Variants in ARMC9 observed in about 807,000 individuals in gnomAD.
ARMC9 encodes the protein lisH domain-containing protein ARMC9.
ARMC9 carries 94 observed loss-of-function variants against 107.0 expected under a neutral mutation model. The ratio of observed to expected loss-of-function variants is 0.88; its 90% confidence interval spans 0.74 to 1.04. ARMC9 has a LOEUF of 1.04. Ranked by LOEUF, ARMC9 falls within the 50% of genes least tolerant of loss-of-function variation. The pLI, the probability that ARMC9 is intolerant of heterozygous loss-of-function variation, is 0.00. For missense variants in ARMC9, 942 were observed against 1,030.1 expected, an observed-to-expected ratio of 0.91 and a Z score of 1.17; for synonymous variants, 380 against 396.9, an observed-to-expected ratio of 0.96 and a Z score of 0.51.
At chr2:231,212,816 C>T (rs1010342952) in intron 3 of ARMC9, among the ~76,000 whole-genome samples, 2 of 152,218 alleles carry the variant, frequency 1.3e-5, no homozygotes, top group South Asian at 4.1e-4. Flanking sequence ...CACTGTCCCT[C>T]GCCTGTGTCC....
chr2:231,204,755 G>A (rs533200781), intron 1 of ARMC9, among the ~76,000 whole-genome samples: 36 of 152,178 alleles, frequency 2.4e-4, no homozygotes, highest in Admixed American at 5.2e-4. Flanking sequence ...TGAATGAGAC[G>A]TATCTGAAGG....
rs2046088436 is a variant in ARMC9 at position 231,373,051 on chromosome 2, G to A, written c.*1516G>A. ...CTGGGCACATTAGATGCTGTCATGT[G>A]ACTGGCCTGGTGGCCACCTCTTGGT... On this transcript the variant is annotated 3_prime_UTR_variant, in exon 25 of 25. Transcript: ENST00000611582. The surrounding 1 kb of genome is among the most constrained non-coding windows in gnomAD (Gnocchi z 4.4). 1 of 152,234 alleles carries A rather than the reference G, an allele frequency of 6.6e-6. No individual in the cohort carries two copies. Among genetic ancestry groups the A allele is most frequent in the South Asian group, 2.1e-4 (1 of 4,832 alleles). 9.4% of individuals were successfully genotyped at this position (152,234 alleles called of 1,614,324 possible).
intron 7 of ARMC9, among the ~76,000 whole-genome samples, chr2:231,230,703 A>G (rs1316577681): frequency 6.6e-6 from 1 of 152,182 alleles, no homozygotes; most frequent in Admixed American, 6.5e-5. Flanking sequence ...TTTGCATACA[A>G]CCTACACACA....
chr2:231,303,179 A>G (rs1040761354), intron 19 of ARMC9, among the ~76,000 whole-genome samples: 1 of 152,094 alleles, frequency 6.6e-6, no homozygotes, highest in African/African-American at 2.4e-5. Context: ...ACCTTACTGA[A>G]TTTATTAGCT....
At chr2:231,247,935 A>C (rs2036923424) in intron 9 of ARMC9, among the ~76,000 whole-genome samples, 1 of 152,190 alleles carries the variant, frequency 6.6e-6, no homozygotes, top group East Asian at 1.9e-4. Context: ...TGTCTCAAAA[A>C]ATAAAGCACC....
intron 1 of ARMC9, among the ~76,000 whole-genome samples, chr2:231,204,408 G>A (rs17586589): frequency 0.11 from 16,817 of 151,906 alleles, 1,759 homozygotes; most frequent in East Asian, 0.28. Flanking sequence ...CACTAACAAA[G>A]CCATCTTCCC....
chr2:231,209,488 G>A (rs1471327635), intron 3 of ARMC9, among the ~76,000 whole-genome samples: 1 of 152,124 alleles, frequency 6.6e-6, no homozygotes, highest in Non-Finnish European at 1.5e-5. Flanking sequence ...ATTGACTAGA[G>A]ACTGTACCAT....
At chr2:231,337,288 ATATTTTTTTTT>A (rs1470011120) in intron 20 of ARMC9, among the ~76,000 whole-genome samples, 6 of 52,298 alleles carry the variant, frequency 1.1e-4, no homozygotes, top group South Asian at 6.9e-4. Flanking sequence ...ATATATATAT[ATATTTTTTTTT>A]TTTTTTTTTT....
At position 231,259,051 on chromosome 2, in the gene ARMC9, G is replaced by T. The variant is rs749422780; in HGVS notation, c.975G>T (p.Leu325Phe). 3 of 1,614,064 alleles carry T rather than the reference G, an allele frequency of 1.9e-6. No homozygotes were observed. Among genetic ancestry groups the T allele is most frequent in the Admixed American group, 3.3e-5 (2 of 60,006 alleles). The change falls in exon 11 of 25, where the codon TTG (leucine) becomes TTT (phenylalanine). Residue 325 changes from leucine to phenylalanine, a missense_variant. Leu to Phe is a conservative substitution (Grantham distance 22). Coordinates refer to ENST00000611582, the MANE Select transcript of ARMC9 (RefSeq NM_001352754.2). ...ATTATGAGAAACTGAAGAAGGATTT[G>T]ATTTTGGGGAGTGACCGCTTGAAAG... ...SLDYEKLKKD[L>F]ILGSDRLKAF... is the part of the protein sequence containing the mutation.
chr2:231,344,136 T>A (rs1403443522), intron 20 of ARMC9, among the ~76,000 whole-genome samples: 1 of 152,224 alleles, frequency 6.6e-6, no homozygotes, highest in Non-Finnish European at 1.5e-5. Flanking sequence ...ATCTTACGCT[T>A]TCCATGTTTT....
At chr2:231,321,287 TAGAG>T (rs974407043) in intron 19 of ARMC9, among the ~76,000 whole-genome samples, 5 of 151,916 alleles carry the variant, frequency 3.3e-5, no homozygotes, top group South Asian at 4.2e-4. Flanking sequence ...TGGCCAGAAT[TAGAG>T]AGAGCCAAGG....
chr2:231,272,339 G>A (rs1574894940), intron 13 of ARMC9, among the ~76,000 whole-genome samples: 1 of 151,858 alleles, frequency 6.6e-6, no homozygotes, highest in Admixed American at 6.6e-5. Flanking sequence ...ATCAACAGGT[G>A]TGCATCATCA....
At chr2:231,258,623 T>A (rs1015041117) in intron 10 of ARMC9, among the ~76,000 whole-genome samples, 1 of 152,240 alleles carries the variant, frequency 6.6e-6, no homozygotes, top group African/African-American at 2.4e-5. Context: ...CTTTGAATTA[T>A]GTCCAAAATT....
At chr2:231,369,917 A>T in intron 23 of ARMC9, 36 bp from the exon 24 acceptor site, 2 of 1,447,294 alleles carry the variant, frequency 1.4e-6, no homozygotes, top group Non-Finnish European at 1.8e-6. Flanking sequence ...CTAATGCTGT[A>T]GTAGCTGGGA....
chr2:231,295,253 T>C (rs550326817), intron 18 of ARMC9: 2 of 152,280 alleles, frequency 1.3e-5, no homozygotes, highest in Non-Finnish European at 2.9e-5. Context: ...AGTCAGCTGC[T>C]CTGTCCCCAG....
chr2:231,230,063 A>T (rs1346739990), intron 7 of ARMC9, among the ~76,000 whole-genome samples: 1 of 152,166 alleles, frequency 6.6e-6, no homozygotes, highest in African/African-American at 2.4e-5. Context: ...CATCTCCATT[A>T]AAAGTTGAGG....
At chr2:231,321,988 A>T (rs1407617861) in intron 19 of ARMC9, among the ~76,000 whole-genome samples, 1 of 152,232 alleles carries the variant, frequency 6.6e-6, no homozygotes, top group Non-Finnish European at 1.5e-5. Flanking sequence ...TAAGCAAGTA[A>T]ACTGAGCGGC....
chr2:231,210,526 A>C (rs1446521278), intron 3 of ARMC9, among the ~76,000 whole-genome samples: 2 of 152,232 alleles, frequency 1.3e-5, no homozygotes, highest in African/African-American at 4.8e-5. Context: ...GAATATAGCA[A>C]ATCCTCAATA....
chr2:231,321,921 G>A (rs555850117), intron 19 of ARMC9, among the ~76,000 whole-genome samples: 5 of 152,168 alleles, frequency 3.3e-5, no homozygotes, highest in Admixed American at 6.5e-5. Flanking sequence ...TTCCTAGGGC[G>A]ACTTTGCCAT....
Sources: allele counts gnomAD v4.1 joint callset (sites outside exome capture counted in the v4.1 genomes callset), GRCh38; gene constraint gnomAD v4.1.1; non-coding constraint Gnocchi (gnomAD v3.1); transcripts MANE v1.5; gene names NCBI Gene and HGNC (gene_info 2026-07-23, HGNC 2026-07-21).